Variants in TMEM231 observed in about 807,000 individuals in gnomAD.
TMEM231 encodes transmembrane protein 231.
A neutral mutation model predicts 38.5 loss-of-function variants in TMEM231; 40 were observed. That is an observed-to-expected ratio of 1.04 (90% confidence interval 0.81 to 1.35). The LOEUF (loss-of-function observed/expected upper bound fraction) is 1.35. Ranked by LOEUF, TMEM231 falls within the 40% of genes most tolerant of loss-of-function variation. The probability of loss-of-function intolerance (pLI) is 0.00; values close to 1 mark genes in which losing one functional copy is unlikely to be tolerated. For synonymous variants in TMEM231, 199 were observed against 181.7 expected (o/e 1.10, Z -0.77); for missense variants, 420 against 416.9 (o/e 1.01, Z -0.07).
Position 75,540,126 on chromosome 16 carries a change from A to G in TMEM231, c.819T>C (p.Tyr273=). 5 of 1,613,886 alleles carry G rather than the reference A, an allele frequency of 3.1e-6. No individual in the cohort carries two copies. The highest frequency in any genetic ancestry group is 4.2e-6 in the Non-Finnish European group (5 of 1,179,846). The change falls in exon 7 of 7, where the codon TAT becomes TAC. Residue 273 remains tyrosine, a synonymous_variant. Transcript: ENST00000258173. ...AGAGGAAGATAAGCAGGATGCTGACATACTGCACCCAGGCGAACTTTACCA... is the reference window on the plus strand; with the variant it reads ...AGAGGAAGATAAGCAGGATGCTGACGTACTGCACCCAGGCGAACTTTACCA... ...WEMVKFAWVQ[Y]VSILLIFLWV...
chr16:75,550,901 G>A (rs148979173), intron 2 of TMEM231, among the ~76,000 whole-genome samples: 1,829 of 152,146 alleles, frequency 0.012, 41 homozygotes, highest in African/African-American at 0.041. Flanking sequence ...GTTTTTAGTA[G>A]AGACGGGGTT....
In TMEM231 at chr16:75,539,335, A is replaced by G. The variant is rs379929; in HGVS notation, c.*659T>C. The G allele has an allele frequency of 4.6e-5, 7 of 152,508 alleles. No individual in the cohort carries two copies. The highest frequency in any genetic ancestry group is 1.4e-4 in the African/African-American group (6 of 41,482). The allele number at this position is 152,508 out of a possible 1,614,324, so 9.4% of individuals were successfully genotyped here. A position where few individuals can be genotyped will look rare whatever the true frequency, so the allele number is the denominator to read the frequency against. The stretch of plus-strand genomic sequence containing the variant: ...AAAGAGCCCAGTCACAGTACGGCAA[A>G]GATCCAGGGCTGCTCAGCTGAGCTG... On this transcript the variant is annotated 3_prime_UTR_variant, in exon 7 of 7. Coordinates refer to ENST00000258173, the MANE Select transcript of TMEM231 (RefSeq NM_001077418.3).
intron 2 of TMEM231, chr16:75,546,192 G>A: frequency 8.1e-7 from 1 of 1,238,028 alleles, no homozygotes; most frequent in Non-Finnish European, 1.1e-6. Context: ...CAAAATAAAT[G>A]GGCAATAACA....
At chr16:75,555,504 C>A in intron 2 of TMEM231, 1 of 380,236 alleles carries the variant, frequency 2.6e-6, no homozygotes. Flanking sequence ...AGGCCAGGCC[C>A]GCGGGTGTGA....
chr16:75,553,696 T>A (rs944903955), intron 2 of TMEM231, among the ~76,000 whole-genome samples: 9 of 152,084 alleles, frequency 5.9e-5, no homozygotes, highest in African/African-American at 1.7e-4. Flanking sequence ...TTTAATTTTT[T>A]ATTTTTTTGA....
At position 75,538,369 on chromosome 16, in the gene TMEM231, T is replaced by C. The variant is rs939499273; in HGVS notation, c.*1625A>G. 2.0e-5 allele frequency: 3 copies of C among 152,198 alleles called. No individual in the cohort carries two copies. Among genetic ancestry groups the C allele is most frequent in the African/African-American group, 7.2e-5 (3 of 41,434 alleles). The allele number at this position is 152,198 out of a possible 1,614,324, so 9.4% of individuals were successfully genotyped here. Reference sequence around the variant, plus strand: ...TGGGTTCTTTATACAAGATTTGCATTAGAATAATTTAATAAAATGCAAACC... The same window carrying C: ...TGGGTTCTTTATACAAGATTTGCATCAGAATAATTTAATAAAATGCAAACC... On this transcript the variant is annotated 3_prime_UTR_variant, in exon 7 of 7. Coordinates refer to ENST00000258173, the MANE Select transcript of TMEM231 (RefSeq NM_001077418.3).
At chr16:75,551,875 T>C (rs1254448647) in intron 2 of TMEM231, among the ~76,000 whole-genome samples, 1 of 151,550 alleles carries the variant, frequency 6.6e-6, no homozygotes, top group Non-Finnish European at 1.5e-5. Flanking sequence ...GGCAGGAGAA[T>C]CGCTTGAACC....
intron 4 of TMEM231, among the ~76,000 whole-genome samples, chr16:75,543,832 T>C (rs2080653429): frequency 6.6e-6 from 1 of 152,244 alleles, no homozygotes; most frequent in Admixed American, 6.5e-5. Context: ...CAGCTTCCTA[T>C]TCTTTACAAC....
At chr16:75,542,405 G>A in intron 5 of TMEM231, 197 bp downstream of exon 5, 1 of 588,106 alleles carries the variant, frequency 1.7e-6, no homozygotes, top group Non-Finnish European at 3.1e-6. Context: ...ATGGGATGCT[G>A]GAGGGGTGGG....
chr16:75,543,538 G>A (rs939104252), intron 4 of TMEM231, among the ~76,000 whole-genome samples: 1 of 152,024 alleles, frequency 6.6e-6, no homozygotes, highest in Non-Finnish European at 1.5e-5. Flanking sequence ...CCACTCCACT[G>A]TAGCCTGGGT....
intron 2 of TMEM231, among the ~76,000 whole-genome samples, chr16:75,548,143 G>C (rs575002315): frequency 2.0e-5 from 3 of 152,290 alleles, no homozygotes; most frequent in Admixed American, 2.0e-4. Context: ...AGCAAGTAAT[G>C]GTGAAGACAG....
rs768632156 is a variant in TMEM231, at chr16:75,540,047, T to A, written c.898A>T (p.Ile300Phe). 1 of 1,613,748 alleles carries A rather than the reference T, an allele frequency of 6.2e-7. No individual in the cohort carries two copies. The highest frequency in any genetic ancestry group is 2.2e-5 in the East Asian group (1 of 44,886). Residue 300 changes from isoleucine to phenylalanine, a missense_variant, in exon 7 of 7, where the codon ATT (isoleucine) becomes TTT (phenylalanine). By Grantham distance (21) the Ile-to-Phe change is conservative. Transcript: ENST00000258173. ...CCCCGGGGCGTCACTGTCACAGGAA[T>A]GGTGGTCACCACCTGATTCTGAAAC... ...FVFQNQVVTTIPVTVTPRGDL... is the reference protein window; with the variant it reads ...FVFQNQVVTTFPVTVTPRGDL...
Position 75,538,622 on chromosome 16 carries a change from G to A in TMEM231, c.*1372C>T, listed in dbSNP as rs957418844. 7.2e-5 allele frequency: 11 copies of A among 152,034 alleles called. No homozygotes were observed. Among genetic ancestry groups the A allele is most frequent in the African/African-American group, 2.7e-4 (11 of 41,378 alleles). 9.4% of individuals were successfully genotyped at this position (152,034 alleles called of 1,614,324 possible). A position where few individuals can be genotyped will look rare whatever the true frequency, so the allele number is the denominator to read the frequency against. ...GTAAGCCTAAAGGAGCACTAAAAACGACAACTGATCTCCAAAGTAAACTGA... is the reference window on the plus strand; with the variant it reads ...GTAAGCCTAAAGGAGCACTAAAAACAACAACTGATCTCCAAAGTAAACTGA... On this transcript the variant is annotated 3_prime_UTR_variant, in exon 7 of 7. Transcript: ENST00000258173.
chr16:75,541,490 C>T (rs772969530), intron 5 of TMEM231, 35 bp from the exon 6 acceptor site: 2 of 1,414,802 alleles, frequency 1.4e-6, no homozygotes. Context: ...ACCACGATGG[C>T]TGTTTGACTC....
At chr16:75,551,336 T>G (rs964875957) in intron 2 of TMEM231, among the ~76,000 whole-genome samples, 3 of 152,208 alleles carry the variant, frequency 2.0e-5, no homozygotes, top group African/African-American at 4.8e-5. Flanking sequence ...TAGCTGGGAC[T>G]ATAGGCATTC....
chr16:75,556,278 G>C, upstream of TMEM231: 1 of 1,386,250 alleles, frequency 7.2e-7, no homozygotes, highest in Non-Finnish European at 9.3e-7. Flanking sequence ...CCATCGCCTC[G>C]GTCTCCACGG....
At chr16:75,550,064 C>G (rs559946847) in intron 2 of TMEM231, among the ~76,000 whole-genome samples, 2 of 152,126 alleles carry the variant, frequency 1.3e-5, no homozygotes, top group African/African-American at 4.8e-5. Flanking sequence ...GGACTGAAGA[C>G]GTAAAAAGGG....
intron 4 of TMEM231, among the ~76,000 whole-genome samples, chr16:75,543,293 A>T (rs2080648636): frequency 6.6e-6 from 1 of 152,138 alleles, no homozygotes; most frequent in Non-Finnish European, 1.5e-5. Context: ...AAAGCCAGGC[A>T]TGGAAGCTCA....
rs1340681914 is a variant in TMEM231 at position 75,545,397 on chromosome 16, C to T, written c.537G>A (p.Gln179=). ...QLYVNGDLRL[Q]QKQPLSCGGL... Reference sequence around the variant, plus strand: ...CACCACAGCTCAGCGGCTGCTTCTGCTGCAGCCTCAGGTCTCCGTTCACGT... The same window carrying T: ...CACCACAGCTCAGCGGCTGCTTCTGTTGCAGCCTCAGGTCTCCGTTCACGT... Residue 179 remains glutamine, a synonymous_variant, in exon 4 of 7, where the codon CAG becomes CAA. Coordinates refer to ENST00000258173, the MANE Select transcript of TMEM231 (RefSeq NM_001077418.3). 2 of 1,612,404 alleles carry T rather than the reference C, an allele frequency of 1.2e-6. No individual in the cohort carries two copies. The highest frequency in any genetic ancestry group is 2.7e-5 in the African/African-American group (2 of 74,688).
Sources: gnomAD v4.1 joint callset for allele counts (sites outside exome capture counted in the v4.1 genomes callset) on GRCh38, gnomAD v4.1.1 for gene constraint, MANE v1.5 for transcripts, NCBI Gene and HGNC (gene_info 2026-07-23, HGNC 2026-07-21) for gene names.